The following ACACB variants were observed in gnomAD, a reference collection of about 807,000 sequenced individuals.
The protein encoded by ACACB is acetyl-CoA carboxylase 2.
A neutral mutation model predicts 278.8 loss-of-function variants in ACACB; 209 were observed. That is an observed-to-expected ratio of 0.75 (90% CI 0.67 to 0.84). The LOEUF (loss-of-function observed/expected upper bound fraction) is 0.84, where lower values mean the gene tolerates loss of function less well. ACACB is among the 40% of genes least tolerant of loss of function. ACACB has a pLI of 0.00. For synonymous variants in ACACB, 1,174 were observed against 1,285.6 expected (o/e 0.91, Z 1.86); for missense variants, 2,850 against 3,269.0 (o/e 0.87, Z 3.13).
At chr12:109,201,303 T>G (rs2045322952) in intron 18 of ACACB, among the ~76,000 whole-genome samples, 1 of 152,328 alleles carries the variant, frequency 6.6e-6, no homozygotes, top group Non-Finnish European at 1.5e-5. Flanking sequence ...GAAATAAACA[T>G]CAGTTTCCAT....
intron 2 of ACACB, among the ~76,000 whole-genome samples, chr12:109,142,279 A>G (rs1055640153): frequency 8.5e-5 from 13 of 152,148 alleles, no homozygotes; most frequent in African/African-American, 2.9e-4. Flanking sequence ...AATGTATCAA[A>G]CCAACAAACT....
chr12:109,188,210 C>G (rs1328752980), intron 13 of ACACB, 48 bp downstream of exon 13: 8 of 1,385,236 alleles, frequency 5.8e-6, no homozygotes, highest in Non-Finnish European at 8.0e-6. Flanking sequence ...TCCTTCCTTC[C>G]TTCCTTCCTT....
intron 41 of ACACB, 149 bp from the exon 42 acceptor site, chr12:109,251,897 G>A: frequency 1.9e-6 from 1 of 525,232 alleles, no homozygotes; most frequent in Non-Finnish European, 3.4e-6. Context: ...ATAGGCTTTT[G>A]CCTCTACTGT....
chr12:109,205,011 G>A (rs573527123), intron 19 of ACACB, among the ~76,000 whole-genome samples: 1 of 152,142 alleles, frequency 6.6e-6, no homozygotes, highest in East Asian at 1.9e-4. Flanking sequence ...GTGCGACCAT[G>A]CCTGACTAAT....
chr12:109,116,486 C>T (rs1179237769), upstream of ACACB: 4 of 152,266 alleles, frequency 2.6e-5, no homozygotes, highest in Non-Finnish European at 5.9e-5. Context: ...GGATCTTTCT[C>T]ATCTTTGCCC....
rs149326086 is a variant in ACACB at position 109,156,327 on chromosome 12, C to T, written c.654-10534C>T. ...GGAGAACTGCTTGAACTCGGGAGTTCGAGACCAGCTTGGGCAACATAGTGA... is the reference window on the plus strand; with the variant it reads ...GGAGAACTGCTTGAACTCGGGAGTTTGAGACCAGCTTGGGCAACATAGTGA... On this transcript the variant is annotated intron_variant, in intron 2 of 52. Coordinates refer to ENST00000338432, the MANE Select transcript of ACACB (RefSeq NM_001093.4). 3.9e-4 allele frequency among the ~76,000 whole-genome samples: 60 copies of T among 151,924 alleles called. No homozygotes were observed. In the Middle Eastern group the frequency reaches 0.024, roughly 60 times the overall value.
At position 109,232,768 on chromosome 12, in the gene ACACB, A is replaced by G. The variant is rs772955345; in HGVS notation, c.4101A>G (p.Gly1367=). The G allele has an allele frequency of 1.9e-6, 3 of 1,614,114 alleles. No homozygotes were observed. The Admixed American group carries it at 5.0e-5, about 27-fold the overall frequency. The change falls in exon 29 of 53, where the codon GGA becomes GGG. Residue 1367 remains glycine, a synonymous_variant. Coordinates refer to ENST00000338432, the MANE Select transcript of ACACB (RefSeq NM_001093.4). ...TCTCCCCACTGTGCCAGCGCATGGGAGCCATGGTAGCCTTCAGGAGATTCG... is the reference window on the plus strand; with the variant it reads ...TCTCCCCACTGTGCCAGCGCATGGGGGCCATGGTAGCCTTCAGGAGATTCG... ...SGFSPLCQRM[G]AMVAFRRFED...
chr12:109,143,504 A>AGACTC, intron 2 of ACACB, among the ~76,000 whole-genome samples: 1 of 150,296 alleles, frequency 6.7e-6, no homozygotes. Context: ...AGGCTGCACC[A>AGACTC]GACTCCTGAG....
Position 109,193,744 on chromosome 12 carries a change from G to A in ACACB, c.2481+15G>A, listed in dbSNP as rs2044984023. 1 of 1,599,612 alleles carries A rather than the reference G, an allele frequency of 6.3e-7. No homozygotes were observed. The stretch of plus-strand genomic sequence containing the variant: ...ACATTCTCAAGGTAAATGCCCCCGT[G>A]CCTCTCCGATGTCTCCAACACTCTG... On this transcript the variant is annotated intron_variant, in intron 16 of 52. Coordinates refer to ENST00000338432, the MANE Select transcript of ACACB (RefSeq NM_001093.4).
chr12:109,159,237 C>A (rs2043643115), intron 2 of ACACB, among the ~76,000 whole-genome samples: 1 of 152,206 alleles, frequency 6.6e-6, no homozygotes, highest in Non-Finnish European at 1.5e-5. Context: ...AGTGTTCTTT[C>A]TTGCTTTCTT....
At position 109,216,791 on chromosome 12, in the gene ACACB, C is replaced by G. The variant is rs770299343; in HGVS notation, c.3440-5C>G. 1.2e-6 allele frequency: 2 copies of G among 1,614,098 alleles called. No individual in the cohort carries two copies. The highest frequency in any genetic ancestry group is 2.2e-5 in the South Asian group (2 of 91,078). Reference sequence around the variant, plus strand: ...TACCTCTGTGTGGTGTTTTGTCTCCCCCAGCCCACTACGACAAGTGTGTGA... The same window carrying G: ...TACCTCTGTGTGGTGTTTTGTCTCCGCCAGCCCACTACGACAAGTGTGTGA... On this transcript the variant is annotated splice_region_variant and splice_polypyrimidine_tract_variant and intron_variant, in intron 23 of 52. Transcript: ENST00000338432.
At chr12:109,187,927 G>A in intron 12 of ACACB, 72 bp from the exon 13 acceptor site, 1 of 1,533,812 alleles carries the variant, frequency 6.5e-7, no homozygotes, top group South Asian at 1.3e-5. Context: ...GGTTTTCCCA[G>A]GACTGAATTC....
At chr12:109,242,333 C>A in intron 36 of ACACB, 104 bp from the exon 37 acceptor site, 1 of 1,319,460 alleles carries the variant, frequency 7.6e-7, no homozygotes, top group Non-Finnish European at 1.1e-6. Flanking sequence ...ATGTGACATG[C>A]TTTGCTTCCC....
chr12:109,218,232 C>T (rs980934213), intron 24 of ACACB, among the ~76,000 whole-genome samples: 7 of 152,132 alleles, frequency 4.6e-5, no homozygotes, highest in African/African-American at 1.4e-4. Context: ...GACAGGGTCT[C>T]GCTCTGTTGC....
At chr12:109,197,686 T>C (rs536078713) in intron 17 of ACACB, among the ~76,000 whole-genome samples, 2 of 151,896 alleles carry the variant, frequency 1.3e-5, no homozygotes, top group Admixed American at 1.3e-4. Flanking sequence ...CACAGGGGCT[T>C]GTGAGATAGT....
In ACACB at chr12:109,197,092, G is replaced by T. The variant is rs2045161650; in HGVS notation, c.2566G>T (p.Gly856Trp). ...TGATGCCCACCGGCTGAATGATGGG[G>T]GGCTCCTGCTCTCCTACAATGGGAA... is the stretch of plus-strand genomic sequence containing the variant. ...EIDAHRLNDG[G>W]LLLSYNGNSY... Residue 856 changes from glycine (G) to tryptophan (W), a missense_variant, in exon 17 of 53, where the codon GGG (glycine) becomes TGG (tryptophan). By Grantham distance (184) the Gly-to-Trp change is radical (BLOSUM62 -2). Around this residue, in one of 3 missense-constraint regions of ACACB, gnomAD observed 2,265 missense variants for 2,561.3 expected, o/e 0.88. Coordinates refer to ENST00000338432, the MANE Select transcript of ACACB (RefSeq NM_001093.4). 1 of 1,601,534 alleles carries T rather than the reference G, an allele frequency of 6.2e-7. No homozygotes were observed. The highest frequency in any genetic ancestry group is 8.5e-7 in the Non-Finnish European group (1 of 1,175,184).
intron 3 of ACACB, 32 bp from the exon 4 acceptor site, chr12:109,167,864 A>G (rs764163663): frequency 1.2e-6 from 2 of 1,613,598 alleles, no homozygotes; most frequent in Non-Finnish European, 1.7e-6. Flanking sequence ...GTAGATGTGC[A>G]TCTACAGCTC....
At chr12:109,188,932 A>G (rs2044767119) in intron 13 of ACACB, among the ~76,000 whole-genome samples, 1 of 152,192 alleles carries the variant, frequency 6.6e-6, no homozygotes, top group East Asian at 1.9e-4. Flanking sequence ...ACCGAAGACT[A>G]AATTTTAAGG....
rs772813597 is a variant in ACACB, at chr12:109,140,064, G to A, written c.653+6G>A. On this transcript the variant is annotated splice_donor_region_variant and intron_variant, in intron 2 of 52. Coordinates refer to ENST00000338432, the MANE Select transcript of ACACB (RefSeq NM_001093.4). Reference sequence around the variant, plus strand: ...ACCCGCGTCCCCACTATGAGGTAATGTGCATTTTCTCCTTGTAACTGAGGA... The same window carrying A: ...ACCCGCGTCCCCACTATGAGGTAATATGCATTTTCTCCTTGTAACTGAGGA... The A allele has an allele frequency of 1.0e-5, 16 of 1,574,782 alleles. No individual in the cohort carries two copies. Among genetic ancestry groups the A allele is most frequent in the Non-Finnish European group, 1.3e-5 (15 of 1,166,322 alleles).
Sources: gnomAD v4.1 joint callset for allele counts (sites outside exome capture counted in the v4.1 genomes callset) on GRCh38, gnomAD v4.1.1 for gene constraint, gnomAD v4.1.1 regional missense constraint, MANE v1.5 for transcripts, NCBI Gene and HGNC (gene_info 2026-07-23, HGNC 2026-07-21) for gene names.